The following CSNK1G3 variants were observed in gnomAD, a reference collection of about 807,000 sequenced individuals.
The protein encoded by CSNK1G3 is casein kinase 1 gamma 3, also known as casein kinase I isoform gamma-3.
A neutral mutation model predicts 64.3 loss-of-function variants in CSNK1G3; 23 were observed. The ratio of observed to expected loss-of-function variants is 0.36; its 90% CI spans 0.26 to 0.51. The LOEUF (loss-of-function observed/expected upper bound fraction) is 0.51, where lower values mean the gene tolerates loss of function less well. CSNK1G3 is among the 20% of genes least tolerant of loss of function. The pLI is 0.96. For synonymous variants in CSNK1G3, 158 were observed against 162.2 expected, an observed-to-expected ratio of 0.97 and a Z score of 0.20; for missense variants, 357 against 510.5, an observed-to-expected ratio of 0.70 and a Z score of 2.90.
At chr5:123,588,017 C>T in intron 6 of CSNK1G3, 51 bp from the exon 7 acceptor site, 3 of 1,150,340 alleles carry the variant, frequency 2.6e-6, no homozygotes, top group African/African-American at 1.6e-5. Flanking sequence ...TCCATTCTTC[C>T]ATTCTTAACT....
At chr5:123,512,690 C>T (rs1333634451) in intron 1 of CSNK1G3, 120 bp downstream of exon 1, 10 of 146,546 alleles carry the variant, frequency 6.8e-5, no homozygotes, top group Admixed American at 1.4e-4. Context: ...GGGTGGGGTG[C>T]GGCGGGGGCG....
intron 6 of CSNK1G3, among the ~76,000 whole-genome samples, chr5:123,580,086 G>A (rs1018996349): frequency 1.3e-5 from 2 of 151,920 alleles, no homozygotes; most frequent in Non-Finnish European, 2.9e-5. Context: ...GATAAAGAAG[G>A]AAAAGGAGCA....
intron 4 of CSNK1G3, among the ~76,000 whole-genome samples, chr5:123,561,922 A>C (rs1347712795): frequency 2.0e-5 from 3 of 152,036 alleles, no homozygotes; most frequent in African/African-American, 7.2e-5. Context: ...TGTCTCTTAA[A>C]ATCTCTCTTG....
intron 4 of CSNK1G3, among the ~76,000 whole-genome samples, chr5:123,567,413 C>T (rs879717984): frequency 1.3e-5 from 2 of 152,030 alleles, no homozygotes; most frequent in Non-Finnish European, 2.9e-5. Flanking sequence ...CCATCCTGGC[C>T]AACATAGGGA....
At chr5:123,523,352 A>G (rs1033814858) in intron 1 of CSNK1G3, among the ~76,000 whole-genome samples, 2 of 152,194 alleles carry the variant, frequency 1.3e-5, no homozygotes, top group African/African-American at 2.4e-5. Context: ...GATATTTAGG[A>G]CAAAATTAGG....
At chr5:123,587,632 G>A (rs902259060) in intron 6 of CSNK1G3, among the ~76,000 whole-genome samples, 8 of 152,086 alleles carry the variant, frequency 5.3e-5, no homozygotes, top group African/African-American at 1.7e-4. Flanking sequence ...TATTTATCAT[G>A]GGAGTTTTGT....
intron 2 of CSNK1G3, among the ~76,000 whole-genome samples, chr5:123,546,752 A>T (rs1452155759): frequency 6.6e-6 from 1 of 152,062 alleles, no homozygotes; most frequent in Non-Finnish European, 1.5e-5. Context: ...ATGTTTATGT[A>T]TTCAACTACT....
At chr5:123,577,704 T>A (rs1789453402) in intron 6 of CSNK1G3, among the ~76,000 whole-genome samples, 1 of 151,738 alleles carries the variant, frequency 6.6e-6, no homozygotes, top group Non-Finnish European at 1.5e-5. Flanking sequence ...TTGTAATTCT[T>A]ATTTTATTGA....
chr5:123,538,659 A>G (rs759983375), intron 1 of CSNK1G3, among the ~76,000 whole-genome samples: 2 of 152,160 alleles, frequency 1.3e-5, no homozygotes. Context: ...GCAGCATACC[A>G]CCATGGCGCA....
At chr5:123,536,425 CTT>C (rs3064349) in intron 1 of CSNK1G3, among the ~76,000 whole-genome samples, 9 of 134,552 alleles carry the variant, frequency 6.7e-5, no homozygotes, top group East Asian at 2.2e-4. Context: ...ATATGAAGGG[CTT>C]TTTTTTTTTT....
At chr5:123,602,770 C>T (rs949308565) in intron 10 of CSNK1G3, among the ~76,000 whole-genome samples, 3 of 152,052 alleles carry the variant, frequency 2.0e-5, no homozygotes, top group African/African-American at 7.2e-5. Context: ...TGGTTAGGCC[C>T]AGGGAGTCCT....
intron 12 of CSNK1G3, among the ~76,000 whole-genome samples, chr5:123,610,207 C>T (rs1418821745): frequency 6.6e-6 from 1 of 152,070 alleles, no homozygotes; most frequent in Admixed American, 6.6e-5. Flanking sequence ...AATGGTTCCT[C>T]GTTTTTTCTT....
chr5:123,587,940 A>T (rs986178334), intron 6 of CSNK1G3, 128 bp from the exon 7 acceptor site: 2 of 592,178 alleles, frequency 3.4e-6, no homozygotes, highest in Non-Finnish European at 5.9e-6. Context: ...TAGTTACTAG[A>T]TCTGTATTTT....
rs753777724 is a variant in CSNK1G3, at chr5:123,595,026, A to T, written c.1086+3612A>T. The T allele has an allele frequency of 4.3e-6, 7 of 1,612,436 alleles. No homozygotes were observed. The highest frequency in any genetic ancestry group is 5.9e-6 in the Non-Finnish European group (7 of 1,178,772). On this transcript the variant is annotated intron_variant, in intron 10 of 12. Coordinates refer to ENST00000345990, the Ensembl canonical transcript of CSNK1G3. The stretch of plus-strand genomic sequence containing the variant: ...TTCTTCCATGCATGCCATATGCATT[A>T]AATAAATGGCAGTCGGCAGACCACA...
chr5:123,528,307 A>G (rs1779397197), intron 1 of CSNK1G3, among the ~76,000 whole-genome samples: 2 of 152,144 alleles, frequency 1.3e-5, no homozygotes, highest in East Asian at 1.9e-4. Flanking sequence ...CTGCCTGCCC[A>G]TAACTTTCTC....
intron 6 of CSNK1G3, among the ~76,000 whole-genome samples, chr5:123,582,800 A>AG (rs1036082540): frequency 2.0e-5 from 3 of 152,200 alleles, no homozygotes; most frequent in Middle Eastern, 3.4e-3. Context: ...TAAAGACCCT[A>AG]GGGGGTGTTC....
intron 10 of CSNK1G3, among the ~76,000 whole-genome samples, chr5:123,595,594 G>A (rs192141606): frequency 2.6e-4 from 39 of 151,752 alleles, no homozygotes; most frequent in Admixed American, 1.2e-3. Flanking sequence ...TTGTTCAAAC[G>A]AACATGACCC....
chr5:123,514,700 TG>T (rs960728869), intron 1 of CSNK1G3, among the ~76,000 whole-genome samples: 13 of 150,130 alleles, frequency 8.7e-5, no homozygotes, highest in African/African-American at 2.9e-4. Context: ...ATAGGCAAAA[TG>T]GGGACTGAGG....
intron 7 of CSNK1G3, 121 bp from the exon 8 acceptor site, chr5:123,588,306 G>C: frequency 9.6e-7 from 1 of 1,041,550 alleles, no homozygotes; most frequent in Non-Finnish European, 1.5e-6. Flanking sequence ...CAAACTCCTG[G>C]GCTCAAGCAT....
Sources: gnomAD v4.1 joint callset for allele counts (sites outside exome capture counted in the v4.1 genomes callset) on GRCh38, gnomAD v4.1.1 for gene constraint, MANE v1.5 for transcripts, NCBI Gene and HGNC (gene_info 2026-07-23, HGNC 2026-07-21) for gene names.